The following PADI6 variants were observed in gnomAD, a reference collection of about 807,000 sequenced individuals.
PADI6 encodes the protein inactive protein-arginine deiminase type-6.
PADI6 carries 66 observed loss-of-function variants against 78.2 expected under a neutral mutation model. That is an observed-to-expected ratio of 0.84 (90% CI 0.69 to 1.04). The LOEUF (loss-of-function observed/expected upper bound fraction) is 1.04, where lower values mean the gene tolerates loss of function less well. Among genes scored for constraint, PADI6 ranks in the 50% least tolerant of loss-of-function variants. PADI6 has a pLI of 0.00. For missense variants in PADI6, 854 were observed against 866.1 expected, an observed-to-expected ratio of 0.99 and a Z score of 0.18; for synonymous variants, 397 against 346.9, an observed-to-expected ratio of 1.14 and a Z score of -1.60.
Position 17,394,988 on chromosome 1 carries a change from T to C in PADI6, c.1375T>C (p.Phe459Leu). 6.2e-7 allele frequency: 1 copy of C among 1,613,438 alleles called. No homozygotes were observed. The change falls in exon 12 of 16, where the codon TTC becomes CTC. Residue 459 changes from phenylalanine to leucine, a missense_variant. Coordinates refer to ENST00000619609, the MANE Select transcript of PADI6 (RefSeq NM_207421.4). ...GRAMSKTLRD[F>L]LYAQQVQAPV... Reference sequence around the variant, plus strand: ...GGCCATGAGTAAGACCCTCCGAGACTTCCTCTATGCCCAGCAGGTCCAAGC... The same window carrying C: ...GGCCATGAGTAAGACCCTCCGAGACCTCCTCTATGCCCAGCAGGTCCAAGC...
chr1:17,395,554 C>G lies in PADI6; in HGVS notation c.1509C>G (p.Leu503=). Residue 503 remains leucine (L), a synonymous_variant, in exon 13 of 16, where the codon CTC becomes CTG. Coordinates refer to ENST00000619609, the MANE Select transcript of PADI6 (RefSeq NM_207421.4). The part of the protein sequence containing the change: ...KNEGKKGFLL[L]LASPSACYKL... Reference sequence around the variant, plus strand: ...CTGTTTCCCAGGGCTTCCTGCTGCTCCTGGCCAGCCCCAGTGCCTGCTATA... The same window carrying G: ...CTGTTTCCCAGGGCTTCCTGCTGCTGCTGGCCAGCCCCAGTGCCTGCTATA... 1.3e-6 allele frequency: 2 copies of G among 1,557,336 alleles called. No individual in the cohort carries two copies. Among genetic ancestry groups the G allele is most frequent in the South Asian group, 2.4e-5 (2 of 84,474 alleles).
At chr1:17,382,166 C>T in intron 6 of PADI6, 74 bp downstream of exon 6, 14 of 1,551,058 alleles carry the variant, frequency 9.0e-6, no homozygotes, top group Non-Finnish European at 1.1e-5. Context: ...CACCTCCTCC[C>T]AGCAAGGTCC....
chr1:17,388,520 C>A lies in PADI6; in HGVS notation c.819C>A (p.Ile273=). ...CATCTGCCGAATTCTCAGGCCTCAT[C>A]TCCTACTCTGTGTCCCTGGTGGAGG... The part of the protein sequence containing the change: ...AFPSAEFSGL[I]SYSVSLVEES... Residue 273 remains isoleucine, a synonymous_variant, in exon 7 of 16, where the codon ATC becomes ATA. Transcript: ENST00000619609. 5 of 1,613,326 alleles carry A rather than the reference C, an allele frequency of 3.1e-6. No homozygotes were observed. In the South Asian group the frequency reaches 5.5e-5, roughly 18 times the overall value.
intron 8 of PADI6, among the ~76,000 whole-genome samples, chr1:17,390,550 G>A (rs2075171798): frequency 1.3e-5 from 2 of 150,716 alleles, no homozygotes; most frequent in Admixed American, 6.7e-5. Flanking sequence ...GTTGCAGTGA[G>A]CCAAGATTGC....
At position 17,375,528 on chromosome 1, in the gene PADI6, G is replaced by T. The variant is rs567320914; in HGVS notation, c.367+29G>T. The T allele has an allele frequency of 7.0e-6, 11 of 1,572,562 alleles. No homozygotes were observed. In the African/African-American group the frequency reaches 8.1e-5, roughly 12 times the overall value. On this transcript the variant is annotated intron_variant, in intron 3 of 15. Coordinates refer to ENST00000619609, the MANE Select transcript of PADI6 (RefSeq NM_207421.4). ...AGTGTTGCTCCAACTGGGAGCCTGG[G>T]GCCCAACTCACCGCTGGGGTTGGGG...
intron 14 of PADI6, among the ~76,000 whole-genome samples, chr1:17,398,077 C>T (rs910417537): frequency 1.3e-5 from 2 of 152,306 alleles, no homozygotes; most frequent in South Asian, 2.1e-4. Flanking sequence ...GAAGCTTAGG[C>T]CCAGAGAAGG....
chr1:17,387,457 G>GA (rs559723304), intron 6 of PADI6, among the ~76,000 whole-genome samples: 2 of 143,232 alleles, frequency 1.4e-5, no homozygotes, highest in South Asian at 2.4e-4. Context: ...AAAAGAAAAG[G>GA]AGGGGGGGGG....
intron 9 of PADI6, among the ~76,000 whole-genome samples, chr1:17,392,886 G>T (rs2075202375): frequency 6.6e-6 from 1 of 152,180 alleles, no homozygotes; most frequent in African/African-American, 2.4e-5. Flanking sequence ...GGGTGCAGTG[G>T]CTCAAGCCTG....
intron 4 of PADI6, 76 bp downstream of exon 4, chr1:17,380,063 C>T: frequency 2.1e-6 from 3 of 1,445,994 alleles, no homozygotes; most frequent in East Asian, 4.6e-5. Context: ...TTGATCTGAC[C>T]TTCCTCGTGT....
At chr1:17,385,992 AG>A (rs1488571220) in intron 6 of PADI6, among the ~76,000 whole-genome samples, 6 of 152,218 alleles carry the variant, frequency 3.9e-5, no homozygotes, top group African/African-American at 1.4e-4. Flanking sequence ...CTGCTACGAC[AG>A]ATGGACAGAC....
chr1:17,387,984 G>A (rs1015927806), intron 6 of PADI6, among the ~76,000 whole-genome samples: 1 of 152,056 alleles, frequency 6.6e-6, no homozygotes, highest in Non-Finnish European at 1.5e-5. Context: ...TTTTTCAGAT[G>A]AGGCTGCTGA....
At chr1:17,379,532 G>T (rs1048711648) in intron 3 of PADI6, among the ~76,000 whole-genome samples, 2 of 152,196 alleles carry the variant, frequency 1.3e-5, no homozygotes, top group African/African-American at 4.8e-5. Context: ...TGGGATTATA[G>T]GAGTGAGCCA....
At position 17,388,443 on chromosome 1, in the gene PADI6, C is replaced by T. The variant is rs2075145261; in HGVS notation, c.742C>T (p.Leu248Phe). Residue 248 changes from leucine to phenylalanine, a missense_variant, in exon 7 of 16, where the codon CTC becomes TTC. Physicochemically the swap from Leu to Phe is conservative, Grantham distance 22. Transcript: ENST00000619609. The part of the protein sequence containing the change: ...GPDQHAYTLA[L>F]LGNHLKETFY... ...CGACCAGCACGCCTATACCTTGGCC[C>T]TCCTCGGGAACCACTTGAAGGAGAC... is the stretch of plus-strand genomic sequence containing the variant. 6.2e-7 allele frequency: 1 copy of T among 1,613,786 alleles called. No individual in the cohort carries two copies. Among genetic ancestry groups the T allele is most frequent in the Non-Finnish European group, 8.5e-7 (1 of 1,179,814 alleles).
At position 17,394,961 on chromosome 1, in the gene PADI6, C is replaced by T. The variant is rs761574965; in HGVS notation, c.1348C>T (p.Arg450Trp). ...GSSFYPSAEG[R>W]AMSKTLRDFL... Reference sequence around the variant, plus strand: ...CCATCTTCCTTCTAGCGCAGAGGGCCGGGCCATGAGTAAGACCCTCCGAGA... The same window carrying T: ...CCATCTTCCTTCTAGCGCAGAGGGCTGGGCCATGAGTAAGACCCTCCGAGA... Residue 450 changes from arginine (R) to tryptophan (W), a missense_variant, in exon 12 of 16, where the codon CGG becomes TGG. Coordinates refer to ENST00000619609, the MANE Select transcript of PADI6 (RefSeq NM_207421.4). The T allele has an allele frequency of 3.4e-5, 54 of 1,611,428 alleles. No homozygotes were observed. The highest frequency in any genetic ancestry group is 4.5e-5 in the Non-Finnish European group (53 of 1,179,430).
At chr1:17,394,478 C>G in intron 11 of PADI6, 24 bp downstream of exon 11, 1 of 1,607,050 alleles carries the variant, frequency 6.2e-7, no homozygotes, top group Non-Finnish European at 8.5e-7. Context: ...CCAGACGCCT[C>G]CAAATGAAAG....
chr1:17,389,070 A>G (rs2075156357), intron 8 of PADI6, among the ~76,000 whole-genome samples, 190 bp downstream of exon 8: 1 of 152,196 alleles, frequency 6.6e-6, no homozygotes, highest in Non-Finnish European at 1.5e-5. Context: ...AAAGATGGGC[A>G]TGGAACAGTG....
intron 1 of PADI6, among the ~76,000 whole-genome samples, 152 bp from the exon 2 acceptor site, chr1:17,372,904 G>A (rs906269953): frequency 1.3e-5 from 2 of 152,120 alleles, no homozygotes; most frequent in African/African-American, 4.8e-5. Context: ...TCCTTTGGGA[G>A]GGGGTGGGTA....
Position 17,382,063 on chromosome 1 carries a change from C to G in PADI6, c.650C>G (p.Ser217Trp), listed in dbSNP as rs761724874. The G allele has an allele frequency of 6.2e-7, 1 of 1,613,904 alleles. No individual in the cohort carries two copies. The highest frequency in any genetic ancestry group is 8.5e-7 in the Non-Finnish European group (1 of 1,179,854). ...RLVLHTSKEE[S>W]KKARVYWPQK... ...GTCCTCCATACCTCCAAGGAAGAGT[C>G]GAAGAAGGCGAGAGTCTACTGGCCC... The change falls in exon 6 of 16, where the codon TCG (serine) becomes TGG (tryptophan). Residue 217 changes from serine (S) to tryptophan (W), a missense_variant. Coordinates refer to ENST00000619609, the MANE Select transcript of PADI6 (RefSeq NM_207421.4).
intron 7 of PADI6, 67 bp from the exon 8 acceptor site, chr1:17,388,710 C>G: frequency 6.5e-7 from 1 of 1,530,128 alleles, no homozygotes. Flanking sequence ...ACGGCCGGAA[C>G]CCTGGGGTAA....
Sources: allele counts gnomAD v4.1 joint callset (sites outside exome capture counted in the v4.1 genomes callset), GRCh38; gene constraint gnomAD v4.1.1; transcripts MANE v1.5; gene names NCBI Gene and HGNC (gene_info 2026-07-23, HGNC 2026-07-21).